The following NKAIN2 variants were observed in gnomAD, a reference collection of about 807,000 sequenced individuals.
NKAIN2 encodes sodium/potassium-transporting ATPase subunit beta-1-interacting protein 2.
NKAIN2 carries 14 observed loss-of-function variants against 32.6 expected under a neutral mutation model. The ratio of observed to expected loss-of-function variants is 0.43; its 90% CI spans 0.28 to 0.67. The LOEUF (loss-of-function observed/expected upper bound fraction) is 0.67. Among genes scored for constraint, NKAIN2 ranks in the 30% least tolerant of loss-of-function variants. NKAIN2 has a pLI of 0.17. For synonymous variants in NKAIN2, 80 were observed against 87.2 expected (o/e 0.92, Z 0.46); for missense variants, 198 against 258.3 (o/e 0.77, Z 1.60).
chr6:124,644,909 T>C (rs961951925), intron 3 of NKAIN2, among the ~76,000 whole-genome samples: 8 of 152,160 alleles, frequency 5.3e-5, no homozygotes, highest in Non-Finnish European at 1.2e-4. Context: ...CAAGAAGAAA[T>C]TTATATTTTG....
intron 1 of NKAIN2, among the ~76,000 whole-genome samples, chr6:124,066,648 C>A (rs906372463): frequency 3.3e-5 from 5 of 152,046 alleles, no homozygotes; most frequent in South Asian, 2.1e-4. Flanking sequence ...CTAGAAAAGG[C>A]AGGGATTAAT....
chr6:124,243,652 G>A (rs1316984513), intron 1 of NKAIN2, among the ~76,000 whole-genome samples: 1 of 152,032 alleles, frequency 6.6e-6, no homozygotes, highest in African/African-American at 2.4e-5. Flanking sequence ...CTATGGTTTT[G>A]TAGTAATTAT....
intron 3 of NKAIN2, among the ~76,000 whole-genome samples, chr6:124,636,226 G>C (rs1260341234): frequency 2.6e-5 from 4 of 151,584 alleles, no homozygotes; most frequent in Non-Finnish European, 5.9e-5. Flanking sequence ...AAAAAATCTT[G>C]AAACAAATGA....
chr6:124,123,900 G>T (rs1261794262), intron 1 of NKAIN2, among the ~76,000 whole-genome samples: 1 of 152,086 alleles, frequency 6.6e-6, no homozygotes, highest in Non-Finnish European at 1.5e-5. Flanking sequence ...GAGAGAGAGA[G>T]AAATCTAAGA....
rs572556440 is a variant in NKAIN2 at position 124,445,277 on chromosome 6, T to A, written c.273+89930T>A. Among the ~76,000 whole-genome samples the A allele has an allele frequency of 2.0e-5, 3 of 152,244 alleles. No homozygotes were observed. The South Asian group carries it at 6.2e-4, about 32-fold the overall frequency. ...ATATCATTCACTTTTTGGTTTTTGC[T>A]CTTCTTTGCTATTTGAGGTTTTATG... On this transcript the variant is annotated intron_variant, in intron 3 of 6. Transcript: ENST00000368417.
At chr6:124,805,020 C>G (rs1304275700) in intron 5 of NKAIN2, among the ~76,000 whole-genome samples, 1 of 152,216 alleles carries the variant, frequency 6.6e-6, no homozygotes, top group Non-Finnish European at 1.5e-5. Context: ...CCCACCACAG[C>G]TCAAGGAGGC....
At chr6:124,779,684 G>A (rs143006177) in intron 4 of NKAIN2, among the ~76,000 whole-genome samples, 2 of 152,232 alleles carry the variant, frequency 1.3e-5, no homozygotes, top group African/African-American at 4.8e-5. Context: ...AGATTATTCT[G>A]ATGAATGATT....
At chr6:124,079,506 T>C (rs1216745245) in intron 1 of NKAIN2, among the ~76,000 whole-genome samples, 1 of 152,146 alleles carries the variant, frequency 6.6e-6, no homozygotes, top group African/African-American at 2.4e-5. Context: ...TGGGTATCTG[T>C]GTGTTTGTGT....
At chr6:124,697,541 G>A (rs1774558727) in intron 4 of NKAIN2, among the ~76,000 whole-genome samples, 1 of 152,016 alleles carries the variant, frequency 6.6e-6, no homozygotes, top group Non-Finnish European at 1.5e-5. Flanking sequence ...TAAACATTAT[G>A]ACAATTTAAT....
chr6:124,121,438 A>G (rs1785875900), intron 1 of NKAIN2, among the ~76,000 whole-genome samples: 1 of 152,040 alleles, frequency 6.6e-6, no homozygotes, highest in African/African-American at 2.4e-5. Context: ...TACATAACTA[A>G]ATATATGTAT....
intron 1 of NKAIN2, among the ~76,000 whole-genome samples, chr6:124,048,303 G>T (rs1582532473): frequency 6.6e-6 from 1 of 152,008 alleles, no homozygotes; most frequent in African/African-American, 2.4e-5. Context: ...AAGAGATCTG[G>T]ATCAGAGTTA....
At chr6:124,258,643 T>G (rs1794068973) in intron 1 of NKAIN2, among the ~76,000 whole-genome samples, 1 of 152,212 alleles carries the variant, frequency 6.6e-6, no homozygotes, top group South Asian at 2.1e-4. Context: ...GGCACTAATT[T>G]TCTCAAACTA....
chr6:124,510,006 T>A (rs1333277957), intron 3 of NKAIN2, among the ~76,000 whole-genome samples: 11 of 152,322 alleles, frequency 7.2e-5, no homozygotes, highest in Non-Finnish European at 1.6e-4. Flanking sequence ...TTATTCTAAA[T>A]CTATTCAAAC....
chr6:124,150,063 T>C (rs2008699), intron 1 of NKAIN2, among the ~76,000 whole-genome samples: 123,832 of 151,924 alleles, frequency 0.82, 51,167 homozygotes, highest in Non-Finnish European at 0.88. Flanking sequence ...CTTGTACCTA[T>C]TCCTTGCGCT....
intron 1 of NKAIN2, among the ~76,000 whole-genome samples, chr6:123,853,940 T>A (rs935372125): frequency 2.0e-5 from 3 of 151,998 alleles, no homozygotes; most frequent in African/African-American, 4.8e-5. Context: ...ACCCGGCTAA[T>A]TTTGGTATTT....
At chr6:124,519,504 C>T (rs910984477) in intron 3 of NKAIN2, among the ~76,000 whole-genome samples, 8 of 152,066 alleles carry the variant, frequency 5.3e-5, no homozygotes, top group South Asian at 2.1e-4. Flanking sequence ...ATCTTATATT[C>T]GAGATATAGA....
At chr6:124,804,300 A>T (rs950152236) in intron 5 of NKAIN2, among the ~76,000 whole-genome samples, 1 of 152,258 alleles carries the variant, frequency 6.6e-6, no homozygotes, top group African/African-American at 2.4e-5. Flanking sequence ...ATTAGCAGAT[A>T]TGAACAAGAA....
chr6:124,715,309 T>C (rs1302438659), intron 4 of NKAIN2, among the ~76,000 whole-genome samples: 2 of 152,156 alleles, frequency 1.3e-5, no homozygotes, highest in African/African-American at 4.8e-5. Context: ...CTTGACCACA[T>C]ATTAGGAGAA....
chr6:124,742,413 T>G (rs1777258041), intron 4 of NKAIN2, among the ~76,000 whole-genome samples: 1 of 151,674 alleles, frequency 6.6e-6, no homozygotes, highest in Non-Finnish European at 1.5e-5. Flanking sequence ...CTCTTGTTTC[T>G]TAGGGCTTTG....
Sources: allele counts gnomAD v4.1 joint callset (sites outside exome capture counted in the v4.1 genomes callset), GRCh38; gene constraint gnomAD v4.1.1; transcripts MANE v1.5; gene names NCBI Gene and HGNC (gene_info 2026-07-23, HGNC 2026-07-21).